EDIL3: variants seen among roughly 807,000 people sequenced by gnomAD.
EDIL3 encodes EGF-like repeat and discoidin I-like domain-containing protein 3.
EDIL3 carries 37 observed loss-of-function variants against 67.4 expected under a neutral mutation model. The observed-to-expected ratio is 0.55, with a 90% CI of 0.42 to 0.72. EDIL3 has a LOEUF of 0.72. Ranked by LOEUF, EDIL3 falls within the 30% of genes least tolerant of loss-of-function variation. The pLI is 0.00. For missense variants in EDIL3, 527 were observed against 586.3 expected (o/e 0.90, Z 1.04); for synonymous variants, 195 against 196.3 (o/e 0.99, Z 0.05).
intron 8 of EDIL3, 73 bp downstream of exon 8, chr5:84,064,627 G>T: frequency 6.7e-7 from 1 of 1,489,108 alleles, no homozygotes; most frequent in Non-Finnish European, 9.0e-7. Context: ...TTGTAGGTTA[G>T]TAACAGGCTA....
intron 9 of EDIL3, among the ~76,000 whole-genome samples, chr5:84,022,946 G>A (rs980358357): frequency 2.0e-5 from 3 of 151,782 alleles, no homozygotes; most frequent in African/African-American, 7.3e-5. Flanking sequence ...TCAAAGTAAT[G>A]GACAACTCAA....
At chr5:84,050,714 T>C (rs1022675699) in intron 9 of EDIL3, among the ~76,000 whole-genome samples, 2 of 152,224 alleles carry the variant, frequency 1.3e-5, no homozygotes, top group African/African-American at 4.8e-5. Flanking sequence ...CCTCGCTCAT[T>C]GCTAGCCCAG....
In EDIL3 at chr5:84,369,604, A is replaced by G. The variant is rs115146344; in HGVS notation, c.67+14704T>C. ...TGGGAAGAGGGAGAAATGGGGAATT[A>G]TTGTTTAATGAGTATGGATGGGGTT... On this transcript the variant is annotated intron_variant, in intron 1 of 10. Transcript: ENST00000296591. Among the ~76,000 whole-genome samples the G allele has an allele frequency of 6.9e-3, 1,047 of 152,200 alleles. 8 individuals are homozygous for G. Among genetic ancestry groups the G allele is most frequent in the African/African-American group, 0.023 (971 of 41,542 alleles).
At chr5:84,045,810 A>C (rs1746210945) in intron 9 of EDIL3, among the ~76,000 whole-genome samples, 1 of 152,206 alleles carries the variant, frequency 6.6e-6, no homozygotes, top group Non-Finnish European at 1.5e-5. Flanking sequence ...ATGAATGCAA[A>C]ATTTTCTATA....
chr5:84,081,271 C>A (rs1746963356), intron 6 of EDIL3, among the ~76,000 whole-genome samples: 1 of 152,142 alleles, frequency 6.6e-6, no homozygotes, highest in Non-Finnish European at 1.5e-5. Context: ...CCTCCATCAC[C>A]CACAGCTACA....
chr5:84,092,203 T>G (rs1237315628), intron 6 of EDIL3, among the ~76,000 whole-genome samples: 1 of 152,180 alleles, frequency 6.6e-6, no homozygotes, highest in Non-Finnish European at 1.5e-5. Flanking sequence ...ATTTTTTTTA[T>G]GATAAAAGCA....
intron 5 of EDIL3, among the ~76,000 whole-genome samples, chr5:84,107,490 C>T (rs1342698573): frequency 6.6e-6 from 1 of 151,484 alleles, no homozygotes; most frequent in African/African-American, 2.4e-5. Context: ...TTATACATGA[C>T]AATGTGTACA....
intron 4 of EDIL3, 77 bp from the exon 5 acceptor site, chr5:84,137,431 A>G (rs962830985): frequency 6.5e-5 from 82 of 1,259,750 alleles, no homozygotes; most frequent in Non-Finnish European, 8.8e-5. Context: ...TTAACATTTG[A>G]AATACAAATG....
intron 5 of EDIL3, among the ~76,000 whole-genome samples, chr5:84,123,208 C>A (rs1217737006): frequency 6.6e-6 from 1 of 151,902 alleles, no homozygotes; most frequent in Non-Finnish European, 1.5e-5. Context: ...AAACATGAAA[C>A]CAGCATCTGG....
rs1483936699 is a variant in EDIL3, at chr5:84,319,195, G to A, written c.68-64983C>T. Among the ~76,000 whole-genome samples the A allele has an allele frequency of 1.3e-4, 7 of 55,786 alleles. 1 individual carries two copies. The highest frequency in any genetic ancestry group is 8.5e-4 in the East Asian group (3 of 3,510). The allele number at this position is 55,786 out of a possible 152,430, so 36.6% of individuals were successfully genotyped here. ...TGTGAAGAAATAGGAATGCTTGGCCGGGCGCGGTGGCTCACGCCTGTAATC... is the reference window on the plus strand; with the variant it reads ...TGTGAAGAAATAGGAATGCTTGGCCAGGCGCGGTGGCTCACGCCTGTAATC... On this transcript the variant is annotated intron_variant, in intron 1 of 10. Coordinates refer to ENST00000296591, the MANE Select transcript of EDIL3 (RefSeq NM_005711.5).
intron 1 of EDIL3, among the ~76,000 whole-genome samples, chr5:84,365,397 T>C (rs1747708832): frequency 6.6e-6 from 1 of 152,118 alleles, no homozygotes; most frequent in Non-Finnish European, 1.5e-5. Context: ...CTTCCTTTTA[T>C]ACCATATTTA....
At chr5:84,151,236 C>T (rs1228749069) in intron 4 of EDIL3, among the ~76,000 whole-genome samples, 1 of 151,114 alleles carries the variant, frequency 6.6e-6, no homozygotes, top group Non-Finnish European at 1.5e-5. Flanking sequence ...TGTCTGTAAA[C>T]TAAGAACTGC....
At chr5:84,248,594 G>A (rs1270884736) in intron 2 of EDIL3, among the ~76,000 whole-genome samples, 1 of 152,014 alleles carries the variant, frequency 6.6e-6, no homozygotes, top group Non-Finnish European at 1.5e-5. Context: ...CTACATCTAT[G>A]CTTGACTTCT....
chr5:84,028,485 G>A (rs932807515), intron 9 of EDIL3, among the ~76,000 whole-genome samples: 1 of 152,080 alleles, frequency 6.6e-6, no homozygotes, highest in Non-Finnish European at 1.5e-5. Context: ...ATATGGCCTT[G>A]AGCAAGCTCT....
At chr5:84,050,693 C>T (rs372003486) in intron 9 of EDIL3, among the ~76,000 whole-genome samples, 23 of 152,336 alleles carry the variant, frequency 1.5e-4, no homozygotes, top group South Asian at 8.3e-4. Flanking sequence ...GAGGGTCCCA[C>T]GCCCACAGAG....
intron 5 of EDIL3, among the ~76,000 whole-genome samples, chr5:84,110,801 A>C (rs1348867831): frequency 6.6e-6 from 1 of 152,172 alleles, no homozygotes; most frequent in East Asian, 1.9e-4. Context: ...ATCCTAGGGG[A>C]GGCAACAGGA....
intron 6 of EDIL3, among the ~76,000 whole-genome samples, chr5:84,082,915 G>T (rs1746997417): frequency 1.3e-5 from 2 of 152,050 alleles, no homozygotes; most frequent in African/African-American, 4.8e-5. Context: ...TTAATATGTT[G>T]TCCAAAATCA....
At chr5:84,043,245 G>A (rs2112216161) in intron 9 of EDIL3, among the ~76,000 whole-genome samples, 1 of 152,240 alleles carries the variant, frequency 6.6e-6, no homozygotes, top group Admixed American at 6.5e-5. Flanking sequence ...GCTTAGAGTG[G>A]TCCATGCATA....
At chr5:84,084,852 GTGGAA>G (rs1213638752) in intron 6 of EDIL3, among the ~76,000 whole-genome samples, 1 of 152,138 alleles carries the variant, frequency 6.6e-6, no homozygotes, top group Non-Finnish European at 1.5e-5. Context: ...TTGGTAAGAG[GTGGAA>G]ACCACTGAAG....
Sources: allele counts gnomAD v4.1 joint callset (sites outside exome capture counted in the v4.1 genomes callset), GRCh38; gene constraint gnomAD v4.1.1; transcripts MANE v1.5; gene names NCBI Gene and HGNC (gene_info 2026-07-23, HGNC 2026-07-21).